GRIP1: variants seen among roughly 807,000 people sequenced by gnomAD.
GRIP1 encodes glutamate receptor-interacting protein 1.
In GRIP1, 45 loss-of-function variants were observed where a neutral mutation model predicts 129.9. The observed-to-expected ratio is 0.35, with a 90% confidence interval of 0.27 to 0.44. GRIP1 has a LOEUF of 0.44. GRIP1 is among the 20% of genes least tolerant of loss of function. The pLI, the probability that GRIP1 is intolerant of heterozygous loss-of-function variation, is 1.00. For missense variants in GRIP1, 1,196 were observed against 1,396.8 expected (o/e 0.86, Z 2.29); for synonymous variants, 530 against 520.8 (o/e 1.02, Z -0.24).
At chr12:66,444,483 A>C in intron 13 of GRIP1, 101 bp downstream of exon 13, 1 of 954,282 alleles carries the variant, frequency 1.0e-6, no homozygotes, top group African/African-American at 2.5e-5. Context: ...ACAGAGCGAG[A>C]CTCCGTCTCA....
chr12:66,534,191 C>T (rs1005326203), intron 4 of GRIP1, among the ~76,000 whole-genome samples: 6 of 152,196 alleles, frequency 3.9e-5, no homozygotes, highest in African/African-American at 1.4e-4. Context: ...ATTTCCGTCA[C>T]AACAATTCAC....
At chr12:66,575,810 T>G (rs1045666845) in intron 2 of GRIP1, among the ~76,000 whole-genome samples, 1 of 152,172 alleles carries the variant, frequency 6.6e-6, no homozygotes, top group Non-Finnish European at 1.5e-5. Context: ...AGTTCCAATG[T>G]TGTACCTCCA....
At chr12:66,349,998 G>A (rs368612935) in intron 24 of GRIP1, among the ~76,000 whole-genome samples, 1 of 151,866 alleles carries the variant, frequency 6.6e-6, no homozygotes, top group Admixed American at 6.6e-5. Flanking sequence ...ACATTGCACT[G>A]CTGGAAAATG....
At chr12:66,971,710 A>C (rs3942826) in intron 1 of GRIP1, among the ~76,000 whole-genome samples, 1 of 152,220 alleles carries the variant, frequency 6.6e-6, no homozygotes, top group African/African-American at 2.4e-5. Flanking sequence ...CACAGAGAGT[A>C]TAAATGTCTG....
intron 1 of GRIP1, among the ~76,000 whole-genome samples, chr12:66,913,035 T>C (rs1195805416): frequency 6.6e-6 from 1 of 152,180 alleles, no homozygotes; most frequent in Middle Eastern, 3.2e-3. Flanking sequence ...GCTGAAAAAC[T>C]GCCTACAATC....
chr12:66,772,031 T>C (rs911734605), intron 1 of GRIP1, among the ~76,000 whole-genome samples: 2 of 152,182 alleles, frequency 1.3e-5, no homozygotes, highest in Non-Finnish European at 1.5e-5. Flanking sequence ...GGAGAACTTG[T>C]ATTCTAGATG....
chr12:66,838,213 A>G (rs2039652822), intron 1 of GRIP1, among the ~76,000 whole-genome samples: 1 of 147,606 alleles, frequency 6.8e-6, no homozygotes, highest in South Asian at 2.2e-4. Flanking sequence ...ATCGAGCAGG[A>G]GAACCAATTT....
At chr12:66,497,708 C>T (rs17181148) in intron 7 of GRIP1, among the ~76,000 whole-genome samples, 15,171 of 152,118 alleles carry the variant, frequency 0.1, 857 homozygotes, top group Non-Finnish European at 0.13. Context: ...GTGAGAGGCA[C>T]GGACAAGTGT....
At chr12:66,550,347 T>C (rs889712729) in intron 2 of GRIP1, among the ~76,000 whole-genome samples, 4 of 152,216 alleles carry the variant, frequency 2.6e-5, no homozygotes, top group Non-Finnish European at 5.9e-5. Flanking sequence ...GCCAAGGTAT[T>C]ATTGTTGTCT....
intron 1 of GRIP1, among the ~76,000 whole-genome samples, chr12:67,067,289 A>G (rs1490925835): frequency 6.6e-6 from 1 of 152,130 alleles, no homozygotes; most frequent in Non-Finnish European, 1.5e-5. Context: ...ACATTTCGTG[A>G]CAATCCAAAA....
intron 5 of GRIP1, among the ~76,000 whole-genome samples, chr12:66,524,067 C>T (rs954024128): frequency 2.6e-5 from 4 of 152,264 alleles, no homozygotes; most frequent in African/African-American, 9.6e-5. Context: ...TAGACTCCCA[C>T]ACAATAATAA....
chr12:66,381,727 C>T (rs2056118026), intron 19 of GRIP1, among the ~76,000 whole-genome samples: 1 of 152,184 alleles, frequency 6.6e-6, no homozygotes, highest in Non-Finnish European at 1.5e-5. Flanking sequence ...AGCAGATGTG[C>T]ACCACCATCA....
intron 15 of GRIP1, among the ~76,000 whole-genome samples, chr12:66,412,810 A>T (rs993135536): frequency 6.6e-6 from 1 of 152,194 alleles, no homozygotes; most frequent in Non-Finnish European, 1.5e-5. Flanking sequence ...AGCAATGAAA[A>T]ACTGACAAAA....
chr12:66,926,164 A>AGGTACTTCAGC (rs57507385), intron 1 of GRIP1, among the ~76,000 whole-genome samples: 1 of 151,874 alleles, frequency 6.6e-6, no homozygotes, highest in African/African-American at 2.4e-5. Context: ...TTACCCCACA[A>AGGTACTTCAGC]AGTCACTGAG....
intron 1 of GRIP1, among the ~76,000 whole-genome samples, chr12:66,953,197 C>G (rs1335850389): frequency 6.6e-6 from 1 of 152,086 alleles, no homozygotes; most frequent in Admixed American, 6.5e-5. Context: ...TGAGTGTCTA[C>G]CATTTGTCAC....
At chr12:66,867,053 A>G (rs1195806462) in intron 1 of GRIP1, among the ~76,000 whole-genome samples, 2 of 152,154 alleles carry the variant, frequency 1.3e-5, no homozygotes, top group African/African-American at 4.8e-5. Context: ...CAGTGGCACA[A>G]TCTCGGCTCC....
chr12:66,635,173 C>A (rs1020937528), intron 1 of GRIP1, among the ~76,000 whole-genome samples: 1 of 152,020 alleles, frequency 6.6e-6, no homozygotes, highest in Admixed American at 6.6e-5. Flanking sequence ...AATTCCAGCA[C>A]TTTGGGAGGC....
intron 1 of GRIP1, among the ~76,000 whole-genome samples, chr12:66,852,252 A>G (rs1002658102): frequency 2.6e-5 from 4 of 152,032 alleles, no homozygotes; most frequent in Non-Finnish European, 4.4e-5. Context: ...TTCACATACA[A>G]ATTTGATATC....
At chr12:66,626,340 C>CAAAA (rs112364955) in intron 1 of GRIP1, among the ~76,000 whole-genome samples, 27,207 of 140,454 alleles carry the variant, frequency 0.19, 2,692 homozygotes, top group Non-Finnish European at 0.23. Flanking sequence ...ACCCCATCTC[C>CAAAA]AAAAAAAAAA....
Sources: gnomAD v4.1 joint callset for allele counts (sites outside exome capture counted in the v4.1 genomes callset) on GRCh38, gnomAD v4.1.1 for gene constraint, MANE v1.5 for transcripts, NCBI Gene and HGNC (gene_info 2026-07-23, HGNC 2026-07-21) for gene names.